The following OR2C1 variants were observed in gnomAD, a reference collection of about 807,000 sequenced individuals.
OR2C1 encodes the protein olfactory receptor family 2 subfamily C member 1, also known as olfactory receptor 2C1.
For missense variants in OR2C1, 468 were observed against 388.3 expected, an observed-to-expected ratio of 1.21 and a Z score of -1.73; for synonymous variants, 209 against 167.3, an observed-to-expected ratio of 1.25 and a Z score of -1.92.
the OR2C1 span, among the ~76,000 whole-genome samples, chr16:3,346,342 A>G: frequency 1.3e-5 from 2 of 152,156 alleles, no homozygotes; most frequent in African/African-American, 4.8e-5. Flanking sequence ...GGAAAAGGTA[A>G]CCAACCTTAA....
chr16:3,337,491 C>T, the OR2C1 span, among the ~76,000 whole-genome samples: 2 of 151,978 alleles, frequency 1.3e-5, no homozygotes, highest in South Asian at 2.1e-4. Context: ...TTTAAAATAG[C>T]CTGTCTCTCC....
At chr16:3,323,652 A>T in the OR2C1 span, 1 of 708,316 alleles carries the variant, frequency 1.4e-6, no homozygotes, top group Non-Finnish European at 2.6e-6. Context: ...CTTTTGCTGC[A>T]TACAACAAAG....
At chr16:3,354,268 A>C (rs1206056044), upstream of OR2C1, among the ~76,000 whole-genome samples, 1 of 152,176 alleles carries the variant, frequency 6.6e-6, no homozygotes, top group Non-Finnish European at 1.5e-5. Context: ...TACAGGCGTG[A>C]GCCACTGTAC....
At position 3,356,977 on chromosome 16, in the gene OR2C1, A is replaced by G; in HGVS notation, c.*98A>G. The G allele has an allele frequency of 9.3e-7, 1 of 1,074,594 alleles. No individual in the cohort carries two copies. The highest frequency in any genetic ancestry group is 1.3e-6 in the Non-Finnish European group (1 of 754,112). The allele number at this position is 1,074,594 out of a possible 1,614,324, so 66.6% of individuals were successfully genotyped here. On this transcript the variant is annotated 3_prime_UTR_variant, in exon 1 of 1. Transcript: ENST00000304936. The stretch of plus-strand genomic sequence containing the variant: ...GAACATGAGGAATACTAATTCCGGT[A>G]AAACCAAGGCATGTTCCTGACAGCC...
chr16:3,349,061 T>C, the OR2C1 span, among the ~76,000 whole-genome samples: 1 of 152,048 alleles, frequency 6.6e-6, no homozygotes, highest in South Asian at 2.1e-4. Flanking sequence ...GTAACCACTA[T>C]ATGTTCAATT....
At chr16:3,354,363 TA>T (rs2030625915), upstream of OR2C1, among the ~76,000 whole-genome samples, 1 of 152,228 alleles carries the variant, frequency 6.6e-6, no homozygotes, top group South Asian at 2.1e-4. Flanking sequence ...ATCTCCTCTG[TA>T]AATCTTCTAA....
chr16:3,333,314 A>C, the OR2C1 span, among the ~76,000 whole-genome samples: 1 of 131,766 alleles, frequency 7.6e-6, no homozygotes, highest in East Asian at 2.2e-4. Context: ...GAGAGTTTAC[A>C]AATATTTTCT....
Position 3,356,114 on chromosome 16 carries a change from C to G in OR2C1, c.174C>G (p.Pro58=). ...GCCTGGAGGCCCGGCTCCATACACC[C>G]ATGTACTTCTTCCTCAGCAACCTCT... ...LSRLEARLHT[P]MYFFLSNLSS... is the part of the protein sequence containing the mutation. The change falls in exon 1 of 1, where the codon CCC becomes CCG. Residue 58 remains proline (P), a synonymous_variant. Coordinates refer to ENST00000304936, the MANE Select transcript of OR2C1 (RefSeq NM_012368.3). 6.2e-7 allele frequency: 1 copy of G among 1,614,224 alleles called. No homozygotes were observed. Among genetic ancestry groups the G allele is most frequent in the Non-Finnish European group, 8.5e-7 (1 of 1,180,038 alleles).
At chr16:3,327,199 C>T in the OR2C1 span, among the ~76,000 whole-genome samples, 2 of 152,076 alleles carry the variant, frequency 1.3e-5, no homozygotes, top group African/African-American at 4.8e-5. Context: ...TTAAAAATCA[C>T]CAACATTTTG....
chr16:3,356,697 G>A lies in OR2C1; in HGVS notation c.757G>A (p.Gly253Ser). ...SHLLVVFLFY[G>S]SASYGYLLPA... ...TCTGCTGGTGGTGTTCCTCTTCTAT[G>A]GCTCAGCCAGCTATGGGTATCTGCT... Residue 253 changes from glycine to serine, a missense_variant, in exon 1 of 1, where the codon GGC (glycine) becomes AGC (serine). Gly to Ser is a moderately conservative substitution (Grantham distance 56). Coordinates refer to ENST00000304936, the MANE Select transcript of OR2C1 (RefSeq NM_012368.3). The A allele has an allele frequency of 6.2e-7, 1 of 1,614,182 alleles. No homozygotes were observed. The highest frequency in any genetic ancestry group is 8.5e-7 in the Non-Finnish European group (1 of 1,180,032).
chr16:3,334,067 G>A, the OR2C1 span, among the ~76,000 whole-genome samples: 1 of 151,910 alleles, frequency 6.6e-6, no homozygotes, highest in African/African-American at 2.4e-5. Flanking sequence ...TCTCCTCCTG[G>A]ACTTGGGTTA....
At chr16:3,327,533 C>T in the OR2C1 span, among the ~76,000 whole-genome samples, 3 of 151,800 alleles carry the variant, frequency 2.0e-5, no homozygotes, top group Non-Finnish European at 4.4e-5. Context: ...TCTTGACCTC[C>T]TCCCTGGAGT....
At chr16:3,347,246 CAA>C in the OR2C1 span, among the ~76,000 whole-genome samples, 3 of 64,494 alleles carry the variant, frequency 4.7e-5, no homozygotes, top group Admixed American at 2.2e-4. Context: ...GACTCTGTCT[CAA>C]AAAAAAAAAA....
the OR2C1 span, among the ~76,000 whole-genome samples, chr16:3,349,027 C>G: frequency 6.6e-6 from 1 of 152,036 alleles, no homozygotes; most frequent in African/African-American, 2.4e-5. Flanking sequence ...TCAGGTCACT[C>G]CTGTGTGACC....
the OR2C1 span, among the ~76,000 whole-genome samples, chr16:3,346,776 C>T: frequency 6.6e-6 from 1 of 151,322 alleles, no homozygotes; most frequent in Non-Finnish European, 1.5e-5. Flanking sequence ...ACTACAGACA[C>T]CCGCCACCAC....
At chr16:3,330,779 G>C in the OR2C1 span, among the ~76,000 whole-genome samples, 1 of 151,766 alleles carries the variant, frequency 6.6e-6, no homozygotes, top group Admixed American at 6.6e-5. Context: ...GTCTTATTTT[G>C]TAGCCCAGGC....
chr16:3,327,832 A>G, the OR2C1 span, among the ~76,000 whole-genome samples: 1 of 151,826 alleles, frequency 6.6e-6, no homozygotes, highest in Admixed American at 6.6e-5. Flanking sequence ...TCATTTACTC[A>G]CTTGCATTGG....
chr16:3,333,211 A>ATTTTTTTTTTTTTTTTT, the OR2C1 span, among the ~76,000 whole-genome samples: 10 of 65,854 alleles, frequency 1.5e-4, no homozygotes, highest in Non-Finnish European at 2.0e-4. Context: ...TCTTTTGCCC[A>ATTTTTTTTTTTTTTTTT]TTTTTTTTTT....
chr16:3,341,096 T>A, the OR2C1 span, among the ~76,000 whole-genome samples: 34 of 152,106 alleles, frequency 2.2e-4, no homozygotes, highest in African/African-American at 8.0e-4. Context: ...TTACAAGATG[T>A]CTTTCCTTTT....
Sources: gnomAD v4.1 joint callset for allele counts (sites outside exome capture counted in the v4.1 genomes callset) on GRCh38, gnomAD v4.1.1 for gene constraint, MANE v1.5 for transcripts, NCBI Gene and HGNC (gene_info 2026-07-23, HGNC 2026-07-21) for gene names.